Variants in ACTR5 observed in about 807,000 individuals in gnomAD.
ACTR5 encodes actin related protein 5.
A neutral mutation model predicts 61.2 loss-of-function variants in ACTR5; 43 were observed. The ratio of observed to expected loss-of-function variants is 0.70; its 90% CI spans 0.55 to 0.91. The LOEUF (loss-of-function observed/expected upper bound fraction) is 0.91, where lower values mean the gene tolerates loss of function less well. Ranked by LOEUF, ACTR5 falls within the 40% of genes least tolerant of loss-of-function variation. ACTR5 has a pLI of 0.00. For synonymous variants in ACTR5, 333 were observed against 310.5 expected (o/e 1.07, Z -0.76); for missense variants, 798 against 782.2 (o/e 1.02, Z -0.24).
intron 5 of ACTR5, among the ~76,000 whole-genome samples, chr20:38,758,539 C>T (rs1399837183): frequency 1.3e-5 from 2 of 151,708 alleles, no homozygotes; most frequent in African/African-American, 2.4e-5. Context: ...CCCAGCTACT[C>T]GGGAGGCTGA....
chr20:38,766,429 A>G lies in ACTR5; in HGVS notation c.1433+52A>G, dbSNP rs371814946. 1.1e-4 allele frequency: 168 copies of G among 1,529,318 alleles called. 1 individual carries two copies. Among genetic ancestry groups the G allele is most frequent in the Middle Eastern group, 1.1e-3 (6 of 5,712 alleles). The allele number at this position is 1,529,318 out of a possible 1,614,324, so 94.7% of individuals were successfully genotyped here. ...CTATCTTCCTGAACCATTTCCTTGG[A>G]TTTTGCATTGAATGGTAGATTTGAT... On this transcript the variant is annotated intron_variant, in intron 7 of 8. Transcript: ENST00000243903.
chr20:38,755,258 T>C (rs990074574), intron 4 of ACTR5, 84 bp downstream of exon 4: 2 of 1,394,438 alleles, frequency 1.4e-6, no homozygotes, highest in South Asian at 3.0e-5. Context: ...TCCATTGGCC[T>C]TAAGATGCTT....
chr20:38,767,727 C>A, intron 8 of ACTR5, 131 bp downstream of exon 8: 1 of 1,042,750 alleles, frequency 9.6e-7, no homozygotes. Flanking sequence ...TAAGTCCATG[C>A]TTAATTTTTA....
chr20:38,754,500 C>T (rs539891782), intron 3 of ACTR5, among the ~76,000 whole-genome samples: 9 of 152,038 alleles, frequency 5.9e-5, no homozygotes, highest in East Asian at 5.9e-4. Context: ...GAGTGGATCA[C>T]GAGGTCAGGA....
At chr20:38,760,911 G>A (rs1265732422) in intron 5 of ACTR5, among the ~76,000 whole-genome samples, 1 of 151,314 alleles carries the variant, frequency 6.6e-6, no homozygotes, top group Non-Finnish European at 1.5e-5. Flanking sequence ...TATATGTTGT[G>A]ATGATGGCTC....
chr20:38,750,028 A>G lies in ACTR5; in HGVS notation c.394A>G (p.Ile132Val). ...VSSQGCVDHPIVLTEAVCNPL... is the reference protein window; with the variant it reads ...VSSQGCVDHPVVLTEAVCNPL... ...AAAGTAGGGCTGTGTTGATCATCCC[A>G]TAGTTTTGACAGAAGCTGTGTGCAA... is the stretch of plus-strand genomic sequence containing the variant. Residue 132 changes from isoleucine (I) to valine (V), a missense_variant, in exon 2 of 9, where the codon ATA becomes GTA. Coordinates refer to ENST00000243903, the MANE Select transcript of ACTR5 (RefSeq NM_024855.4). The G allele has an allele frequency of 6.2e-7, 1 of 1,614,136 alleles. No individual in the cohort carries two copies. The highest frequency in any genetic ancestry group is 8.5e-7 in the Non-Finnish European group (1 of 1,179,980).
chr20:38,752,011 G>T, intron 2 of ACTR5, 120 bp from the exon 3 acceptor site: 1 of 1,154,124 alleles, frequency 8.7e-7, no homozygotes, highest in Non-Finnish European at 1.2e-6. Flanking sequence ...ATCAGGTTTT[G>T]TATTTCTCCT....
chr20:38,766,745 CT>C lies in ACTR5; in HGVS notation c.1433+370del, dbSNP rs1239555561. 5.3e-5 allele frequency among the ~76,000 whole-genome samples: 8 copies of C among 152,224 alleles called. No individual in the cohort carries two copies. In the South Asian group the frequency reaches 6.2e-4, roughly 12 times the overall value. On this transcript the variant is annotated intron_variant, in intron 7 of 8. Transcript: ENST00000243903. ...GAGCTAATAAAATTTTTTTCCCCTC[CT>C]TGCAGGCATTTTACTTATTTAAGAG...
At chr20:38,751,362 A>T (rs2084386107) in intron 2 of ACTR5, among the ~76,000 whole-genome samples, 1 of 152,230 alleles carries the variant, frequency 6.6e-6, no homozygotes, top group African/African-American at 2.4e-5. Context: ...TTCTATGAAA[A>T]TTTTTGAAGA....
In ACTR5 at chr20:38,755,151, C is replaced by T. The variant is rs1424244257; in HGVS notation, c.970C>T (p.Leu324=). 1 of 1,612,498 alleles carries T rather than the reference C, an allele frequency of 6.2e-7. No homozygotes were observed. The highest frequency in any genetic ancestry group is 8.5e-7 in the Non-Finnish European group (1 of 1,179,282). Residue 324 remains leucine, a synonymous_variant, in exon 4 of 9, where the codon CTG becomes TTG. Transcript: ENST00000243903. Reference sequence around the variant, plus strand: ...GAAGCTGCAGCTGGATCAGGAGCGTCTGGACCGACTGCTATATGTGCAGGT... The same window carrying T: ...GAAGCTGCAGCTGGATCAGGAGCGTTTGGACCGACTGCTATATGTGCAGGT... ...EEKLQLDQER[L]DRLLYVQELL...
chr20:38,759,447 C>T (rs532216276), intron 5 of ACTR5, among the ~76,000 whole-genome samples: 3 of 152,334 alleles, frequency 2.0e-5, no homozygotes, highest in South Asian at 4.1e-4. Flanking sequence ...AAATGATCAG[C>T]TTTGTTCCTC....
intron 5 of ACTR5, chr20:38,761,493 T>C (rs187097352): frequency 1.3e-5 from 2 of 152,388 alleles, no homozygotes; most frequent in African/African-American, 4.8e-5. Context: ...GAATTATTTT[T>C]TGAAACAAGG....
intron 2 of ACTR5, among the ~76,000 whole-genome samples, chr20:38,751,676 C>T (rs2254492): frequency 0.24 from 36,755 of 152,010 alleles, 4,597 homozygotes; most frequent in Middle Eastern, 0.35. Context: ...GGTTACTTAA[C>T]GTGTTTGCTT....
At chr20:38,761,566 A>T (rs2084454675) in intron 5 of ACTR5, 1 of 152,492 alleles carries the variant, frequency 6.6e-6, no homozygotes, top group Non-Finnish European at 1.5e-5. Flanking sequence ...CTGTCACCCC[A>T]TTGATTGCCA....
intron 1 of ACTR5, 67 bp from the exon 2 acceptor site, chr20:38,749,943 G>A (rs2084376320): frequency 7.1e-7 from 1 of 1,415,450 alleles, no homozygotes; most frequent in Non-Finnish European, 9.7e-7. Context: ...AGGATTTTGG[G>A]TTCTTTTATG....
rs2084523781 is a variant in ACTR5, at chr20:38,772,194, T to A, written c.*378T>A. On this transcript the variant is annotated 3_prime_UTR_variant, in exon 9 of 9. Coordinates refer to ENST00000243903, the MANE Select transcript of ACTR5 (RefSeq NM_024855.4). ...TAAAAAAAATTCTTTAAAATTTATCTTGTCCGTGTAGATACTTTATTCTTC... is the reference window on the plus strand; with the variant it reads ...TAAAAAAAATTCTTTAAAATTTATCATGTCCGTGTAGATACTTTATTCTTC... 4.6e-6 allele frequency: 1 copy of A among 218,756 alleles called. No individual in the cohort carries two copies. Among genetic ancestry groups the A allele is most frequent in the African/African-American group, 2.3e-5 (1 of 44,240 alleles). The allele number at this position is 218,756 out of a possible 1,614,324, so 13.6% of individuals were successfully genotyped here.
chr20:38,762,053 G>GCT (rs906205889), intron 5 of ACTR5, among the ~76,000 whole-genome samples: 1 of 152,348 alleles, frequency 6.6e-6, no homozygotes, highest in Middle Eastern at 3.4e-3. Context: ...ATTTTATTGT[G>GCT]CTCATGGGTT....
Position 38,755,882 on chromosome 20 carries a change from A to G in ACTR5, c.1019A>G (p.Asp340Gly). The G allele has an allele frequency of 2.5e-6, 4 of 1,614,152 alleles. No homozygotes were observed. The highest frequency in any genetic ancestry group is 3.4e-6 in the Non-Finnish European group (4 of 1,180,024). Residue 340 changes from aspartate (D) to glycine (G), a missense_variant, in exon 5 of 9, where the codon GAT becomes GGT. Physicochemically the swap from Asp to Gly is moderately conservative, Grantham distance 94 (BLOSUM62 -1). Coordinates refer to ENST00000243903, the MANE Select transcript of ACTR5 (RefSeq NM_024855.4). ...VQELLEDGQM[D>G]QFHKALIELN... ...GAACTTCTAGAGGATGGCCAGATGG[A>G]TCAGTTTCACAAAGCTCTGATAGAG... is the stretch of plus-strand genomic sequence containing the variant.
rs1470139088 is a variant in ACTR5 at position 38,748,478 on chromosome 20, G to T, written c.-1G>T. 2.7e-6 allele frequency: 4 copies of T among 1,483,098 alleles called. No homozygotes were observed. The highest frequency in any genetic ancestry group is 2.9e-5 in the East Asian group (1 of 34,498). The allele number at this position is 1,483,098 out of a possible 1,614,324, so 91.9% of individuals were successfully genotyped here. Reference sequence around the variant, plus strand: ...GGGCGGGGCTGGACGCGCGCTCCAAGATGGCGGCGAACGTGTTCCCGTTCC... The same window carrying T: ...GGGCGGGGCTGGACGCGCGCTCCAATATGGCGGCGAACGTGTTCCCGTTCC... On this transcript the variant is annotated 5_prime_UTR_variant, in exon 1 of 9. Coordinates refer to ENST00000243903, the MANE Select transcript of ACTR5 (RefSeq NM_024855.4).
Sources: allele counts gnomAD v4.1 joint callset (sites outside exome capture counted in the v4.1 genomes callset), GRCh38; gene constraint gnomAD v4.1.1; transcripts MANE v1.5; gene names NCBI Gene and HGNC (gene_info 2026-07-23, HGNC 2026-07-21).